The following HLCS variants were observed in gnomAD, a reference collection of about 807,000 sequenced individuals.
HLCS encodes holocarboxylase synthetase.
Under a neutral mutation model 75.0 loss-of-function variants are expected in HLCS, and 53 were observed. That is an observed-to-expected ratio of 0.71 (90% CI 0.57 to 0.89). The LOEUF is 0.89. Ranked by LOEUF, HLCS falls within the 40% of genes least tolerant of loss-of-function variation. The probability of loss-of-function intolerance (pLI) is 0.00; values close to 1 mark genes in which losing one functional copy is unlikely to be tolerated. For missense variants in HLCS, 966 were observed against 1,074.0 expected, an observed-to-expected ratio of 0.90 and a Z score of 1.41; for synonymous variants, 431 against 428.6, an observed-to-expected ratio of 1.01 and a Z score of -0.07.
At chr21:36,926,745 T>C (rs1377575569) in intron 5 of HLCS, among the ~76,000 whole-genome samples, 3 of 148,612 alleles carry the variant, frequency 2.0e-5, no homozygotes, top group African/African-American at 7.4e-5. Context: ...TGTTTCCTTT[T>C]TTTTTTTTTT....
intron 9 of HLCS, among the ~76,000 whole-genome samples, chr21:36,758,942 C>T (rs1013690698): frequency 6.6e-6 from 1 of 151,830 alleles, no homozygotes; most frequent in Non-Finnish European, 1.5e-5. Context: ...CGAGATTGCA[C>T]CACTGCATTC....
chr21:36,784,294 A>C (rs2145849724), intron 6 of HLCS, among the ~76,000 whole-genome samples: 1 of 149,622 alleles, frequency 6.7e-6, no homozygotes, highest in Admixed American at 6.7e-5. Context: ...CAGAATTTCA[A>C]GGTAGAAATA....
At position 36,754,431 on chromosome 21, in the gene HLCS, A is replaced by T. The variant is rs2089479514; in HGVS notation, c.2451-14T>A. On this transcript the variant is annotated splice_polypyrimidine_tract_variant and intron_variant, in intron 10 of 10. Transcript: ENST00000674895. ...ACTTGCTGACCACTGAAAAGGAAGA[A>T]CAGCGTGCGGTCACTGGGAGGTGTC... The T allele has an allele frequency of 6.2e-7, 1 of 1,609,180 alleles. No individual in the cohort carries two copies. Among genetic ancestry groups the T allele is most frequent in the African/African-American group, 1.3e-5 (1 of 74,936 alleles).
intron 6 of HLCS, among the ~76,000 whole-genome samples, chr21:36,841,448 G>A (rs2062611106): frequency 6.6e-6 from 1 of 152,072 alleles, no homozygotes; most frequent in South Asian, 2.1e-4. Context: ...TGAGGTCTGT[G>A]TAAAGGATAG....
At chr21:36,957,030 A>G (rs2146637371) in intron 2 of HLCS, among the ~76,000 whole-genome samples, 1 of 142,486 alleles carries the variant, frequency 7.0e-6, no homozygotes, top group South Asian at 2.3e-4. Context: ...TCCAGCCTGG[A>G]CAACAGAGCC....
intron 6 of HLCS, among the ~76,000 whole-genome samples, chr21:36,841,936 A>C (rs2146098784): frequency 6.6e-6 from 1 of 152,290 alleles, no homozygotes; most frequent in Admixed American, 6.5e-5. Context: ...GGACCCACTA[A>C]GGCTGACATA....
chr21:36,813,676 A>G (rs1026488879), intron 6 of HLCS, among the ~76,000 whole-genome samples: 1 of 152,250 alleles, frequency 6.6e-6, no homozygotes. Flanking sequence ...ATTAAATGAC[A>G]TAAAAAGCAA....
In HLCS at chr21:36,754,229, C is replaced by G. The variant is rs2089467473; in HGVS notation, c.*17G>C. On this transcript the variant is annotated 3_prime_UTR_variant, in exon 11 of 11. Coordinates refer to ENST00000674895, the MANE Select transcript of HLCS (RefSeq NM_001352514.2). Reference sequence around the variant, plus strand: ...CATGGGCACGGACAGGCAGCCGCGTCTCGGGGACGCCCGGCATTACCGCCG... The same window carrying G: ...CATGGGCACGGACAGGCAGCCGCGTGTCGGGGACGCCCGGCATTACCGCCG... The G allele has an allele frequency of 6.2e-7, 1 of 1,613,420 alleles. No homozygotes were observed. The highest frequency in any genetic ancestry group is 2.2e-5 in the East Asian group (1 of 44,876).
chr21:36,908,202 C>G (rs1283192959), intron 5 of HLCS, among the ~76,000 whole-genome samples: 1 of 151,808 alleles, frequency 6.6e-6, no homozygotes, highest in Non-Finnish European at 1.5e-5. Context: ...CTAAGCAACA[C>G]AGTGACACCC....
chr21:36,982,045 C>T (rs2069132320), intron 1 of HLCS, among the ~76,000 whole-genome samples: 1 of 151,970 alleles, frequency 6.6e-6, no homozygotes. Flanking sequence ...TCTCATAACA[C>T]AAGAGCTGAG....
chr21:36,851,070 C>T (rs920887838), intron 6 of HLCS, among the ~76,000 whole-genome samples: 3 of 152,122 alleles, frequency 2.0e-5, no homozygotes, highest in African/African-American at 7.2e-5. Flanking sequence ...TTTGTACCTC[C>T]CCTCCCTCCA....
intron 6 of HLCS, among the ~76,000 whole-genome samples, chr21:36,840,921 G>C (rs1019700730): frequency 6.6e-6 from 1 of 151,908 alleles, no homozygotes; most frequent in African/African-American, 2.4e-5. Flanking sequence ...CCACAATATT[G>C]CTTTTAGATT....
chr21:36,955,384 G>C (rs903886842), intron 2 of HLCS, among the ~76,000 whole-genome samples: 9 of 152,204 alleles, frequency 5.9e-5, no homozygotes, highest in South Asian at 2.1e-4. Context: ...CTTGAAGCCA[G>C]GAGTTGGAGA....
chr21:36,901,766 C>T (rs2065246862), intron 5 of HLCS, among the ~76,000 whole-genome samples: 1 of 152,180 alleles, frequency 6.6e-6, no homozygotes, highest in Non-Finnish European at 1.5e-5. Flanking sequence ...CCCTAATGAC[C>T]TCATCTTCAC....
chr21:36,763,394 T>G (rs1029832234), intron 8 of HLCS, among the ~76,000 whole-genome samples: 1 of 152,098 alleles, frequency 6.6e-6, no homozygotes, highest in Non-Finnish European at 1.5e-5. Context: ...CCTGTAATGG[T>G]GTGATGCCCC....
chr21:36,875,588 C>T (rs1211567268), intron 6 of HLCS, among the ~76,000 whole-genome samples: 1 of 152,232 alleles, frequency 6.6e-6, no homozygotes, highest in Admixed American at 6.5e-5. Context: ...GTCTCCTGTC[C>T]ACTAAGAGCT....
In HLCS at chr21:36,842,227, A is replaced by T. The variant is rs1040095459; in HGVS notation, c.1892+54633T>A. ...TGGTGTATGTTTCCATCGGTATAAA[A>T]TATAAAACCAGGCAAAACTAAGATA... is the stretch of plus-strand genomic sequence containing the variant. On this transcript the variant is annotated intron_variant, in intron 6 of 10. Transcript: ENST00000674895. The surrounding 1 kb of genome is among the most constrained non-coding windows in gnomAD (Gnocchi z 4.2). Among the ~76,000 whole-genome samples the T allele has an allele frequency of 6.6e-6, 1 of 152,322 alleles. No homozygotes were observed. Among genetic ancestry groups the T allele is most frequent in the South Asian group, 2.1e-4 (1 of 4,828 alleles).
chr21:36,799,145 T>C (rs1029768585), intron 6 of HLCS, among the ~76,000 whole-genome samples: 1 of 152,244 alleles, frequency 6.6e-6, no homozygotes, highest in African/African-American at 2.4e-5. Flanking sequence ...TAACAGTTTT[T>C]GCAACTAAAT....
intron 6 of HLCS, among the ~76,000 whole-genome samples, chr21:36,792,206 G>A (rs540131271): frequency 6.6e-5 from 10 of 152,162 alleles, no homozygotes; most frequent in East Asian, 3.9e-4. Flanking sequence ...ATCACCCGGC[G>A]GCTACCCCGC....
Sources: gnomAD v4.1 joint callset for allele counts (sites outside exome capture counted in the v4.1 genomes callset) on GRCh38, gnomAD v4.1.1 for gene constraint, Gnocchi (gnomAD v3.1) non-coding constraint, MANE v1.5 for transcripts, NCBI Gene and HGNC (gene_info 2026-07-23, HGNC 2026-07-21) for gene names.